KCNH5: variants seen among roughly 807,000 people sequenced by gnomAD.
KCNH5 encodes potassium voltage-gated channel subfamily H member 5, also known as voltage-gated delayed rectifier potassium channel KCNH5.
Under a neutral mutation model 96.1 loss-of-function variants are expected in KCNH5, and 46 were observed. The observed-to-expected ratio is 0.48, with a 90% CI of 0.38 to 0.61. The LOEUF is 0.61. Ranked by LOEUF, KCNH5 falls within the 20% of genes least tolerant of loss-of-function variation. The pLI is 0.00. For missense variants in KCNH5, 907 were observed against 1,225.8 expected (o/e 0.74, Z 3.88); for synonymous variants, 439 against 449.8 (o/e 0.98, Z 0.30).
chr14:62,724,075 G>C (rs1476228563), intron 10 of KCNH5, among the ~76,000 whole-genome samples: 1 of 152,132 alleles, frequency 6.6e-6, no homozygotes, highest in Non-Finnish European at 1.5e-5. Flanking sequence ...ATAATCCAGA[G>C]GAGACAGTAT....
intron 7 of KCNH5, among the ~76,000 whole-genome samples, chr14:62,948,148 G>T (rs1232527799): frequency 6.6e-6 from 1 of 152,146 alleles, no homozygotes; most frequent in Non-Finnish European, 1.5e-5. Flanking sequence ...CCCTACAAAG[G>T]ACATGAACGC....
At chr14:62,748,715 T>C (rs191217922) in intron 10 of KCNH5, among the ~76,000 whole-genome samples, 71 of 152,154 alleles carry the variant, frequency 4.7e-4, no homozygotes, top group African/African-American at 1.6e-3. Context: ...TCAGAGAGCG[T>C]TGGTATGGCG....
At chr14:63,042,294 A>G (rs1294138360) in intron 1 of KCNH5, among the ~76,000 whole-genome samples, 1 of 152,096 alleles carries the variant, frequency 6.6e-6, no homozygotes, top group Non-Finnish European at 1.5e-5. Context: ...ATCCTAAAAA[A>G]GAAGAAGTAG....
chr14:62,726,353 T>G (rs1884925358), intron 10 of KCNH5, among the ~76,000 whole-genome samples: 1 of 151,710 alleles, frequency 6.6e-6, no homozygotes, highest in African/African-American at 2.4e-5. Flanking sequence ...AAGAGGATAA[T>G]CAAAAGGCAA....
chr14:62,740,863 C>T (rs181865367), intron 10 of KCNH5, among the ~76,000 whole-genome samples: 2 of 152,222 alleles, frequency 1.3e-5, no homozygotes, highest in African/African-American at 2.4e-5. Flanking sequence ...TGATTAGCTT[C>T]GAGCAGCAAT....
At chr14:62,920,315 C>T (rs148531887) in intron 7 of KCNH5, among the ~76,000 whole-genome samples, 59 of 152,144 alleles carry the variant, frequency 3.9e-4, no homozygotes, top group African/African-American at 1.4e-3. Flanking sequence ...GAGTTTACAT[C>T]GTTTCTGAAA....
At chr14:62,942,178 T>A (rs1889801822) in intron 7 of KCNH5, among the ~76,000 whole-genome samples, 1 of 152,130 alleles carries the variant, frequency 6.6e-6, no homozygotes, top group South Asian at 2.1e-4. Context: ...TCATCTCCAA[T>A]AACCAGCTCC....
In KCNH5 at chr14:62,705,940, C is replaced by T. The variant is rs373941593; in HGVS notation, c.*1568G>A. ...CACATTTTTTTCAACTTCATGCAAACACTAACTCCCCTGCTCCCCATATTA... is the reference window on the plus strand; with the variant it reads ...CACATTTTTTTCAACTTCATGCAAATACTAACTCCCCTGCTCCCCATATTA... On this transcript the variant is annotated 3_prime_UTR_variant, in exon 11 of 11. Coordinates refer to ENST00000322893, the MANE Select transcript of KCNH5 (RefSeq NM_139318.5). 1 of 152,068 alleles carries T rather than the reference C, an allele frequency of 6.6e-6. No homozygotes were observed. Among genetic ancestry groups the T allele is most frequent in the African/African-American group, 2.4e-5 (1 of 41,428 alleles). The allele number at this position is 152,068 out of a possible 1,614,324, so 9.4% of individuals were successfully genotyped here. A position where few individuals can be genotyped will look rare whatever the true frequency, so the allele number is the denominator to read the frequency against.
chr14:62,823,303 C>T (rs1326620572), intron 8 of KCNH5, among the ~76,000 whole-genome samples: 1 of 152,104 alleles, frequency 6.6e-6, no homozygotes, highest in Admixed American at 6.6e-5. Flanking sequence ...ATTTTCTGCA[C>T]TTAGATTATC....
chr14:62,781,359 T>A (rs991008520), intron 9 of KCNH5, among the ~76,000 whole-genome samples: 8 of 152,216 alleles, frequency 5.3e-5, no homozygotes, highest in Non-Finnish European at 1.2e-4. Context: ...AAATTGCTAA[T>A]GAAGTTTCAG....
intron 6 of KCNH5, among the ~76,000 whole-genome samples, chr14:62,952,269 C>T (rs994534935): frequency 1.3e-5 from 2 of 151,988 alleles, no homozygotes; most frequent in East Asian, 1.9e-4. Context: ...GAAAAAGATG[C>T]TAAACTTTAG....
chr14:62,716,866 T>G (rs544148135), intron 10 of KCNH5, among the ~76,000 whole-genome samples: 11 of 152,232 alleles, frequency 7.2e-5, no homozygotes, highest in Admixed American at 4.6e-4. Flanking sequence ...CTCCTCTATT[T>G]AGAGATGACA....
chr14:62,901,654 G>A (rs1888927379), intron 7 of KCNH5, among the ~76,000 whole-genome samples: 1 of 152,130 alleles, frequency 6.6e-6, no homozygotes, highest in South Asian at 2.1e-4. Flanking sequence ...CTGATCAAAT[G>A]TCTTTGCTAT....
intron 10 of KCNH5, among the ~76,000 whole-genome samples, chr14:62,725,943 A>G (rs1229001711): frequency 6.6e-6 from 1 of 152,248 alleles, no homozygotes; most frequent in Non-Finnish European, 1.5e-5. Flanking sequence ...TGATATTAGC[A>G]CAAGAATAGA....
intron 4 of KCNH5, 131 bp downstream of exon 4, chr14:63,001,200 C>T: frequency 1.4e-6 from 1 of 703,492 alleles, no homozygotes; most frequent in Admixed American, 3.6e-5. Context: ...AAACAGATTC[C>T]AAGCAATGAA....
intron 7 of KCNH5, chr14:62,949,888 T>C (rs2140130097): frequency 3.1e-6 from 1 of 326,410 alleles, no homozygotes; most frequent in African/African-American, 2.2e-5. Context: ...CTGGTCCTGG[T>C]TCCTTCAAGA....
At chr14:62,838,303 A>T (rs1416458033) in intron 8 of KCNH5, among the ~76,000 whole-genome samples, 1 of 152,094 alleles carries the variant, frequency 6.6e-6, no homozygotes, top group African/African-American at 2.4e-5. Context: ...TCATATTCCA[A>T]CTGCACTACC....
intron 7 of KCNH5, among the ~76,000 whole-genome samples, chr14:62,939,961 A>C (rs141821165): frequency 2.4e-4 from 36 of 152,252 alleles, no homozygotes; most frequent in Non-Finnish European, 4.9e-4. Flanking sequence ...TTTTTTCAGG[A>C]AGCTTACGTA....
chr14:62,751,995 C>A (rs1461558162), intron 10 of KCNH5, among the ~76,000 whole-genome samples: 3 of 152,156 alleles, frequency 2.0e-5, no homozygotes, highest in African/African-American at 7.2e-5. Flanking sequence ...GGATTCACAT[C>A]TTTGCCCTGA....
Sources: gnomAD v4.1 joint callset for allele counts (sites outside exome capture counted in the v4.1 genomes callset) on GRCh38, gnomAD v4.1.1 for gene constraint, MANE v1.5 for transcripts, NCBI Gene and HGNC (gene_info 2026-07-23, HGNC 2026-07-21) for gene names.